Variants in TBC1D5 observed in about 807,000 individuals in gnomAD.
TBC1D5 encodes the protein TBC1 domain family member 5, also known as TBC1 domain family, member 5.
TBC1D5 carries 75 observed loss-of-function variants against 100.3 expected under a neutral mutation model. That is an observed-to-expected ratio of 0.75 (90% CI 0.62 to 0.91). The LOEUF (loss-of-function observed/expected upper bound fraction) is 0.91, where lower values mean the gene tolerates loss of function less well. Among genes scored for constraint, TBC1D5 ranks in the 40% least tolerant of loss-of-function variants. The pLI is 0.00. For missense variants in TBC1D5, 910 were observed against 942.4 expected (o/e 0.97, Z 0.45); for synonymous variants, 323 against 325.6 (o/e 0.99, Z 0.09).
intron 1 of TBC1D5, among the ~76,000 whole-genome samples, chr3:17,640,194 T>C (rs1159125921): frequency 6.6e-6 from 1 of 152,136 alleles, no homozygotes; most frequent in Non-Finnish European, 1.5e-5. Context: ...CCTTTAACTT[T>C]ATAGAGCTAG....
chr3:17,195,794 G>A lies in TBC1D5; in HGVS notation c.1753-10586C>T, dbSNP rs142417815. Among the ~76,000 whole-genome samples the A allele has an allele frequency of 3.5e-3, 521 of 148,166 alleles. 3 individuals carry two copies. The highest frequency in any genetic ancestry group is 5.4e-3 in the Non-Finnish European group (366 of 67,370). Reference sequence around the variant, plus strand: ...TTAACATAAACATTACCACTTCTGAGACTTCTGGAAAGAAAAAAAGGTGAG... The same window carrying A: ...TTAACATAAACATTACCACTTCTGAAACTTCTGGAAAGAAAAAAAGGTGAG... On this transcript the variant is annotated intron_variant, in intron 18 of 21. Transcript: ENST00000253692.
chr3:17,485,684 T>C (rs1446464551), intron 3 of TBC1D5, among the ~76,000 whole-genome samples: 1 of 152,178 alleles, frequency 6.6e-6, no homozygotes, highest in Non-Finnish European at 1.5e-5. Flanking sequence ...TCATTTTTTA[T>C]GGCTGCATAG....
At chr3:17,374,324 C>T (rs2092609147) in intron 12 of TBC1D5, 147 bp downstream of exon 12, 3 of 656,964 alleles carry the variant, frequency 4.6e-6, no homozygotes, top group East Asian at 3.0e-5. Context: ...TACTTAGATC[C>T]CCAGGCTCAA....
chr3:17,268,687 T>C (rs1320421061), intron 15 of TBC1D5, among the ~76,000 whole-genome samples: 1 of 152,134 alleles, frequency 6.6e-6, no homozygotes, highest in Admixed American at 6.6e-5. Context: ...AATATTGTAG[T>C]TTGTTGCCTA....
intron 3 of TBC1D5, among the ~76,000 whole-genome samples, chr3:17,460,391 TA>T (rs2095180245): frequency 6.6e-6 from 1 of 152,230 alleles, no homozygotes; most frequent in Non-Finnish European, 1.5e-5. Flanking sequence ...TATGGCTTTC[TA>T]AAACAATTCC....
At chr3:17,732,364 A>G (rs1325806998) in intron 1 of TBC1D5, among the ~76,000 whole-genome samples, 2 of 151,652 alleles carry the variant, frequency 1.3e-5, no homozygotes, top group African/African-American at 4.8e-5. Flanking sequence ...AGCTTTTTCC[A>G]TCTTGGTGAC....
chr3:17,620,665 A>G (rs1212603937), intron 2 of TBC1D5, among the ~76,000 whole-genome samples: 1 of 152,222 alleles, frequency 6.6e-6, no homozygotes, highest in Non-Finnish European at 1.5e-5. Context: ...TTGGTTTCCT[A>G]CAAAGTATGG....
intron 13 of TBC1D5, among the ~76,000 whole-genome samples, chr3:17,317,159 T>A (rs1189825947): frequency 1.3e-5 from 2 of 152,148 alleles, no homozygotes. Context: ...ATAATTAGAA[T>A]AGCAACATAT....
chr3:17,175,889 T>G (rs1393885767), intron 19 of TBC1D5, among the ~76,000 whole-genome samples: 1 of 152,216 alleles, frequency 6.6e-6, no homozygotes, highest in Non-Finnish European at 1.5e-5. Flanking sequence ...GGTCTGCACC[T>G]CCCCTGGCTC....
intron 1 of TBC1D5, among the ~76,000 whole-genome samples, chr3:17,707,952 T>C (rs1477363819): frequency 6.6e-6 from 1 of 152,196 alleles, no homozygotes; most frequent in East Asian, 1.9e-4. Flanking sequence ...AACTAGAATT[T>C]ATAACAAATG....
At chr3:17,627,245 C>G (rs114627714) in intron 1 of TBC1D5, among the ~76,000 whole-genome samples, 224 of 152,244 alleles carry the variant, frequency 1.5e-3, no homozygotes, top group African/African-American at 5.3e-3. Context: ...CAAAGAATGG[C>G]TGGATCTGAC....
chr3:17,398,996 G>A (rs1327635363), intron 8 of TBC1D5, among the ~76,000 whole-genome samples: 2 of 152,128 alleles, frequency 1.3e-5, no homozygotes, highest in Non-Finnish European at 2.9e-5. Context: ...AAACTTGGGT[G>A]ATGAACTCAG....
intron 2 of TBC1D5, among the ~76,000 whole-genome samples, chr3:17,546,534 C>T (rs1276647362): frequency 6.6e-6 from 1 of 151,622 alleles, no homozygotes; most frequent in Non-Finnish European, 1.5e-5. Context: ...GAGGCTGAGG[C>T]GGGTGGATTG....
intron 17 of TBC1D5, among the ~76,000 whole-genome samples, chr3:17,235,139 T>C (rs1375186858): frequency 6.6e-6 from 1 of 152,140 alleles, no homozygotes; most frequent in African/African-American, 2.4e-5. Context: ...ATTTTAACAT[T>C]AAATATCACC....
intron 17 of TBC1D5, among the ~76,000 whole-genome samples, chr3:17,227,151 G>A (rs780102970): frequency 3.9e-4 from 60 of 152,142 alleles, no homozygotes; most frequent in Non-Finnish European, 1.5e-4. Flanking sequence ...CACTTTGTGT[G>A]CGCAAAAGGG....
chr3:17,730,863 G>A (rs942289434), intron 1 of TBC1D5, among the ~76,000 whole-genome samples: 4 of 152,018 alleles, frequency 2.6e-5, no homozygotes, highest in Admixed American at 6.6e-5. Context: ...CACTCACAGA[G>A]CAGTCAAAAG....
At chr3:17,609,818 T>C (rs2061556555) in intron 2 of TBC1D5, among the ~76,000 whole-genome samples, 1 of 152,188 alleles carries the variant, frequency 6.6e-6, no homozygotes, top group Admixed American at 6.5e-5. Context: ...AGTCAGTATA[T>C]TATCAGAGGA....
chr3:17,618,304 G>C (rs1577051844), intron 2 of TBC1D5, among the ~76,000 whole-genome samples: 1 of 152,202 alleles, frequency 6.6e-6, no homozygotes, highest in East Asian at 1.9e-4. Context: ...CCTGTATGAG[G>C]TGTCTGTCGG....
At chr3:17,613,419 T>C (rs1197578546) in intron 2 of TBC1D5, among the ~76,000 whole-genome samples, 2 of 152,232 alleles carry the variant, frequency 1.3e-5, no homozygotes, top group East Asian at 1.9e-4. Flanking sequence ...GATTGCTAGG[T>C]CAAATAGTAT....
Sources: allele counts gnomAD v4.1 joint callset (sites outside exome capture counted in the v4.1 genomes callset), GRCh38; gene constraint gnomAD v4.1.1; transcripts MANE v1.5; gene names NCBI Gene and HGNC (gene_info 2026-07-23, HGNC 2026-07-21).